The following TMEM64 variants were observed in gnomAD, a reference collection of about 807,000 sequenced individuals.
TMEM64 encodes the protein transmembrane protein 64.
Under a neutral mutation model 24.5 loss-of-function variants are expected in TMEM64, and 19 were observed. That is an observed-to-expected ratio of 0.78 (90% CI 0.54 to 1.14). The LOEUF (loss-of-function observed/expected upper bound fraction) is 1.14, where lower values mean the gene tolerates loss of function less well. TMEM64 is among the 50% of genes most tolerant of loss of function. The probability of loss-of-function intolerance (pLI) is 0.00; values close to 1 mark genes in which losing one functional copy is unlikely to be tolerated. For synonymous variants in TMEM64, 262 were observed against 224.7 expected, an observed-to-expected ratio of 1.17 and a Z score of -1.49; for missense variants, 487 against 493.0, an observed-to-expected ratio of 0.99 and a Z score of 0.12.
rs151294427 is a variant in TMEM64, at chr8:90,628,881, G to A, written c.951+2671C>T. 5.3e-3 allele frequency among the ~76,000 whole-genome samples: 808 copies of A among 152,244 alleles called. 7 individuals carry two copies. Among genetic ancestry groups the A allele is most frequent in the Non-Finnish European group, 7.7e-3 (527 of 68,000 alleles). On this transcript the variant is annotated intron_variant, in intron 2 of 2. Coordinates refer to ENST00000458549, the MANE Select transcript of TMEM64 (RefSeq NM_001008495.4). ...CAATGTAAATATACTGAAATCTGAG[G>A]AAATTCAAAATCTAAAACATTTCTG...
chr8:90,631,775 G>A (rs981746952), intron 1 of TMEM64, 68 bp from the exon 2 acceptor site: 32 of 1,396,100 alleles, frequency 2.3e-5, no homozygotes, highest in Non-Finnish European at 3.2e-5. Context: ...AAAAAAATGT[G>A]TGTATTAAGT....
intron 1 of TMEM64, among the ~76,000 whole-genome samples, chr8:90,640,398 C>G (rs1809587391): frequency 1.3e-5 from 2 of 152,138 alleles, no homozygotes; most frequent in African/African-American, 4.8e-5. Context: ...TTTTATAACA[C>G]ATACTATCAC....
rs772064778 is a variant in TMEM64 at position 90,645,620 on chromosome 8, C to T, written c.286G>A (p.Gly96Ser). The change falls in exon 1 of 3, where the codon GGC becomes AGC. Residue 96 changes from glycine (G) to serine (S), a missense_variant. Gly to Ser is a moderately conservative substitution (Grantham distance 56, BLOSUM62 0). This residue lies in a region of TMEM64 where 419 missense variants were observed against 407.5 expected (regional missense o/e 1.03). Coordinates refer to ENST00000458549, the MANE Select transcript of TMEM64 (RefSeq NM_001008495.4). This position sits in a 1 kb window ranked among gnomAD's most constrained non-coding sequence, Gnocchi z 4.2. The stretch of plus-strand genomic sequence containing the variant: ...GCCACGCCGACCACCACGCCGCCGC[C>T]GCCACTCCCGGGGCCGCCCGCCAAG... ...GALAGGPGSG[G>S]GGVVVGVAEV... 158 of 1,535,348 alleles carry T rather than the reference C, an allele frequency of 1.0e-4. No individual in the cohort carries two copies. Among genetic ancestry groups the T allele is most frequent in the Non-Finnish European group, 8.2e-5 (94 of 1,145,396 alleles).
Position 90,645,740 on chromosome 8 carries a change from C to T in TMEM64, c.166G>A (p.Ala56Thr). ...GCGCCCGAGGCCGCCGCTGCTGCCG[C>T]CGCCGCGCTCGCCCCGCCCCCGCGG... The part of the protein sequence containing the change: ...LPRGGGASAA[A>T]AAAAASGALL... The change falls in exon 1 of 3, where the codon GCG becomes ACG. Residue 56 changes from alanine (A) to threonine (T), a missense_variant. By Grantham distance (58) the Ala-to-Thr change is moderately conservative. Around this residue, in one of 3 missense-constraint regions of TMEM64, gnomAD observed 419 missense variants for 407.5 expected, o/e 1.03. Transcript: ENST00000458549. This position sits in a 1 kb window ranked among gnomAD's most constrained non-coding sequence, Gnocchi z 4.2. 1 of 1,120,164 alleles carries T rather than the reference C, an allele frequency of 8.9e-7. No individual in the cohort carries two copies. Among genetic ancestry groups the T allele is most frequent in the Non-Finnish European group, 1.1e-6 (1 of 918,476 alleles). The allele number at this position is 1,120,164 out of a possible 1,614,324, so 69.4% of individuals were successfully genotyped here.
At position 90,639,308 on chromosome 8, in the gene TMEM64, G is replaced by A. The variant is rs535850879; in HGVS notation, c.795+5803C>T. Among the ~76,000 whole-genome samples the A allele has an allele frequency of 5.3e-5, 8 of 152,118 alleles. No individual in the cohort carries two copies. In the East Asian group the frequency reaches 1.5e-3, roughly 29 times the overall value. ...CCCTAAATTAGGAACTGCTTTTAATGGTTCCCAAATATCTTAGGGAGAGGT... is the reference window on the plus strand; with the variant it reads ...CCCTAAATTAGGAACTGCTTTTAATAGTTCCCAAATATCTTAGGGAGAGGT... On this transcript the variant is annotated intron_variant, in intron 1 of 2. Transcript: ENST00000458549.
Position 90,645,286 on chromosome 8 carries a change from AAG to A in TMEM64, c.618_619del (p.Phe207HisfsTer61). ...CCGCTTGCAGACCACATGGGCGATG[AAG>A]GTGCCGATGAGGACGCCCACCATCA... is the stretch of plus-strand genomic sequence containing the variant. On this transcript the variant is annotated frameshift_variant, in exon 1 of 3. Coordinates refer to ENST00000458549, the MANE Select transcript of TMEM64 (RefSeq NM_001008495.4). LOFTEE classifies it high-confidence loss of function. The surrounding 1 kb of genome is among the most constrained non-coding windows in gnomAD (Gnocchi z 4.2). 1 of 1,602,146 alleles carries A rather than the reference AAG, an allele frequency of 6.2e-7. No individual in the cohort carries two copies. The highest frequency in any genetic ancestry group is 8.5e-7 in the Non-Finnish European group (1 of 1,173,980).
rs1809635905 is a variant in TMEM64 at position 90,643,345 on chromosome 8, A to G, written c.795+1766T>C. On this transcript the variant is annotated intron_variant, in intron 1 of 2. Transcript: ENST00000458549. ...GTATTCATCTCATGTAATCTTCTCA[A>G]TAATCCTATGGAAGTAGGTATCATT... 2.0e-5 allele frequency among the ~76,000 whole-genome samples: 3 copies of G among 152,192 alleles called. 1 individual carries two copies. In the South Asian group the frequency reaches 6.2e-4, roughly 32 times the overall value.
chr8:90,637,234 A>G (rs537583870), intron 1 of TMEM64, among the ~76,000 whole-genome samples: 47 of 152,352 alleles, frequency 3.1e-4, no homozygotes, highest in African/African-American at 1.1e-3. Flanking sequence ...CATTCACTGA[A>G]GCTGGGGTTG....
intron 2 of TMEM64, among the ~76,000 whole-genome samples, chr8:90,628,375 G>C (rs191904725): frequency 6.6e-6 from 1 of 152,188 alleles, no homozygotes; most frequent in Non-Finnish European, 1.5e-5. Flanking sequence ...GTAATCTGCT[G>C]ACAATAAAGA....
intron 1 of TMEM64, among the ~76,000 whole-genome samples, chr8:90,644,123 G>A (rs1393914898): frequency 1.3e-5 from 2 of 151,548 alleles, no homozygotes; most frequent in South Asian, 2.1e-4. Context: ...ATTTCAGTAA[G>A]TTTTCTTTAA....
intron 1 of TMEM64, among the ~76,000 whole-genome samples, chr8:90,632,528 T>C (rs1380981846): frequency 6.6e-6 from 1 of 152,164 alleles, no homozygotes; most frequent in Non-Finnish European, 1.5e-5. Context: ...TTCACCATAT[T>C]AGCCAGGATG....
intron 1 of TMEM64, among the ~76,000 whole-genome samples, chr8:90,632,778 G>T (rs758729187): frequency 4.3e-4 from 66 of 152,132 alleles, no homozygotes; most frequent in Non-Finnish European, 8.8e-4. Context: ...GATGGCTGTT[G>T]TTAGGATCAA....
chr8:90,635,426 G>A (rs1000573662), intron 1 of TMEM64, among the ~76,000 whole-genome samples: 2 of 147,120 alleles, frequency 1.4e-5, no homozygotes, highest in Non-Finnish European at 3.0e-5. Flanking sequence ...CGGACTCTTC[G>A]CTGTGTCACC....
At chr8:90,636,124 C>A (rs762874632) in intron 1 of TMEM64, among the ~76,000 whole-genome samples, 22 of 152,110 alleles carry the variant, frequency 1.4e-4, no homozygotes, top group Non-Finnish European at 1.6e-4. Context: ...AGTTAATAAT[C>A]GTAAATATTT....
At chr8:90,642,932 TCC>T (rs967759425) in intron 1 of TMEM64, among the ~76,000 whole-genome samples, 1 of 152,196 alleles carries the variant, frequency 6.6e-6, no homozygotes, top group African/African-American at 2.4e-5. Context: ...TTCTTTTTTT[TCC>T]CTTCTTTTTT....
At chr8:90,630,969 G>A (rs751337326) in intron 2 of TMEM64, among the ~76,000 whole-genome samples, 2 of 152,084 alleles carry the variant, frequency 1.3e-5, no homozygotes, top group Non-Finnish European at 2.9e-5. Context: ...AATTTTATGT[G>A]CCCCAAACTA....
Position 90,645,628 on chromosome 8 carries a change from C to T in TMEM64, c.278G>A (p.Gly93Glu). 1 of 1,534,216 alleles carries T rather than the reference C, an allele frequency of 6.5e-7. No individual in the cohort carries two copies. The highest frequency in any genetic ancestry group is 8.7e-7 in the Non-Finnish European group (1 of 1,145,078). Residue 93 changes from glycine to glutamate, a missense_variant, in exon 1 of 3, where the codon GGG becomes GAG. Around this residue, in one of 3 missense-constraint regions of TMEM64, gnomAD observed 419 missense variants for 407.5 expected, o/e 1.03. Coordinates refer to ENST00000458549, the MANE Select transcript of TMEM64 (RefSeq NM_001008495.4). The surrounding 1 kb of genome is among the most constrained non-coding windows in gnomAD (Gnocchi z 4.2). ...EPGGALAGGP[G>E]SGGGGVVVGV... ...GACCACCACGCCGCCGCCGCCACTC[C>T]CGGGGCCGCCCGCCAAGGCCCCGCC...
At chr8:90,627,836 A>C (rs75079932) in intron 2 of TMEM64, among the ~76,000 whole-genome samples, 1 of 152,322 alleles carries the variant, frequency 6.6e-6, no homozygotes, top group African/African-American at 2.4e-5. Context: ...AAAGAAACTA[A>C]GGAAAGAGTG....
chr8:90,633,869 G>C (rs974485417), intron 1 of TMEM64, among the ~76,000 whole-genome samples: 1 of 151,820 alleles, frequency 6.6e-6, no homozygotes, highest in Non-Finnish European at 1.5e-5. Flanking sequence ...TTGTTTATTT[G>C]TAAGAACTAT....
Sources: allele counts gnomAD v4.1 joint callset (sites outside exome capture counted in the v4.1 genomes callset), GRCh38; gene constraint gnomAD v4.1.1; regional missense constraint gnomAD v4.1.1; non-coding constraint Gnocchi (gnomAD v3.1); transcripts MANE v1.5; gene names NCBI Gene and HGNC (gene_info 2026-07-23, HGNC 2026-07-21).